The following EXOC4 variants were observed in gnomAD, a reference collection of about 807,000 sequenced individuals.
The protein encoded by EXOC4 is SEC8-like 1.
EXOC4 carries 71 observed loss-of-function variants against 107.2 expected under a neutral mutation model. That is an observed-to-expected ratio of 0.66 (90% CI 0.55 to 0.81). The LOEUF (loss-of-function observed/expected upper bound fraction) is 0.81. Among genes scored for constraint, EXOC4 ranks in the 30% least tolerant of loss-of-function variants. The pLI is 0.00. For synonymous variants in EXOC4, 456 were observed against 441.2 expected (o/e 1.03, Z -0.42); for missense variants, 1,108 against 1,189.6 (o/e 0.93, Z 1.01).
chr7:133,298,724 A>G (rs912495085), intron 3 of EXOC4, among the ~76,000 whole-genome samples: 2 of 152,196 alleles, frequency 1.3e-5, no homozygotes, highest in Non-Finnish European at 2.9e-5. Flanking sequence ...AAGGCTCTCA[A>G]TGTGGAATTA....
chr7:133,377,166 A>G (rs1340160830), intron 7 of EXOC4, among the ~76,000 whole-genome samples: 1 of 152,178 alleles, frequency 6.6e-6, no homozygotes, highest in Non-Finnish European at 1.5e-5. Context: ...AGCCTGACCA[A>G]AATGGTGAAA....
intron 10 of EXOC4, among the ~76,000 whole-genome samples, chr7:133,756,149 A>T (rs1430381078): frequency 6.6e-6 from 1 of 152,146 alleles, no homozygotes; most frequent in East Asian, 1.9e-4. Flanking sequence ...TCATATTTCC[A>T]TATAATTTTC....
intron 17 of EXOC4, among the ~76,000 whole-genome samples, chr7:134,020,554 C>T (rs1795005573): frequency 6.6e-6 from 1 of 152,158 alleles, no homozygotes; most frequent in Non-Finnish European, 1.5e-5. Flanking sequence ...CATGTGTAGA[C>T]ATTGAGGCAG....
At chr7:133,699,405 A>G (rs1441885960) in intron 10 of EXOC4, among the ~76,000 whole-genome samples, 1 of 152,178 alleles carries the variant, frequency 6.6e-6, no homozygotes, top group African/African-American at 2.4e-5. Context: ...GCAGGGGAGC[A>G]ATCCAGAATA....
intron 10 of EXOC4, among the ~76,000 whole-genome samples, chr7:133,801,062 C>A (rs1376439747): frequency 6.6e-6 from 1 of 152,074 alleles, no homozygotes; most frequent in Non-Finnish European, 1.5e-5. Context: ...CCTCTATAAT[C>A]GTGGCCTAAA....
chr7:133,260,312 C>T (rs1236009118), intron 1 of EXOC4, among the ~76,000 whole-genome samples: 2 of 149,428 alleles, frequency 1.3e-5, no homozygotes, highest in South Asian at 2.1e-4. Flanking sequence ...CTTGCTCTGT[C>T]GCCCATGCTG....
At chr7:133,305,519 T>G (rs1794732407) in intron 3 of EXOC4, among the ~76,000 whole-genome samples, 1 of 152,192 alleles carries the variant, frequency 6.6e-6, no homozygotes, top group East Asian at 1.9e-4. Context: ...AAGCTAACTT[T>G]GAGTAAAAGT....
chr7:133,648,720 A>G lies in EXOC4; in HGVS notation c.1514+18579A>G, dbSNP rs1222300854. ...GAAAAGGTCGAATAAAGGATTTGCAATTTGATTCAGAAACGTCATTAATTT... is the reference window on the plus strand; with the variant it reads ...GAAAAGGTCGAATAAAGGATTTGCAGTTTGATTCAGAAACGTCATTAATTT... On this transcript the variant is annotated intron_variant, in intron 10 of 17. Coordinates refer to ENST00000253861, the MANE Select transcript of EXOC4 (RefSeq NM_021807.4). Among the ~76,000 whole-genome samples, 6 of 152,186 alleles carry G rather than the reference A, an allele frequency of 3.9e-5. No homozygotes were observed. In the East Asian group the frequency reaches 7.7e-4, roughly 19 times the overall value.
At position 133,917,632 on chromosome 7, in the gene EXOC4, A is replaced by G; in HGVS notation, c.1921A>G (p.Lys641Glu). The G allele has an allele frequency of 6.2e-7, 1 of 1,614,124 alleles. No homozygotes were observed. Among genetic ancestry groups the G allele is most frequent in the South Asian group, 1.1e-5 (1 of 91,080 alleles). The change falls in exon 13 of 18, where the codon AAA (lysine) becomes GAA (glutamate). Residue 641 changes from lysine to glutamate, a missense_variant. Lys to Glu is a moderately conservative substitution (Grantham distance 56). Transcript: ENST00000253861. ...ACTTGTCATCAGTGCATCCTGGGCA[A>G]AAGATGATGATATCAGCAGACTCTT... ...EKLVISASWAKDDDISRLLKS... is the reference protein window; with the variant it reads ...EKLVISASWAEDDDISRLLKS...
intron 7 of EXOC4, among the ~76,000 whole-genome samples, chr7:133,423,657 G>C (rs1035470525): frequency 5.3e-5 from 8 of 152,236 alleles, no homozygotes; most frequent in Non-Finnish European, 1.2e-4. Flanking sequence ...GTCGCTCTCT[G>C]TGCCTCCTCA....
intron 12 of EXOC4, among the ~76,000 whole-genome samples, chr7:133,908,542 G>A (rs1382506775): frequency 6.6e-6 from 1 of 152,196 alleles, no homozygotes; most frequent in African/African-American, 2.4e-5. Flanking sequence ...GTTCATTTCA[G>A]GTTCTACCTT....
intron 17 of EXOC4, among the ~76,000 whole-genome samples, chr7:134,019,178 C>T (rs934856770): frequency 1.8e-4 from 27 of 152,212 alleles, no homozygotes; most frequent in Non-Finnish European, 3.5e-4. Flanking sequence ...GATCTGCCTG[C>T]CTCAGCCTCC....
At chr7:133,489,113 C>A (rs1190477815) in intron 9 of EXOC4, among the ~76,000 whole-genome samples, 2 of 151,116 alleles carry the variant, frequency 1.3e-5, no homozygotes, top group Non-Finnish European at 2.9e-5. Context: ...AGGAATATAT[C>A]CTGTGTGATA....
At chr7:133,658,122 G>A (rs941688113) in intron 10 of EXOC4, among the ~76,000 whole-genome samples, 2 of 152,090 alleles carry the variant, frequency 1.3e-5, no homozygotes, top group Non-Finnish European at 2.9e-5. Flanking sequence ...TTCAGTTAGG[G>A]ATATGGAGAA....
intron 7 of EXOC4, among the ~76,000 whole-genome samples, chr7:133,435,780 C>T (rs1236050154): frequency 6.6e-6 from 1 of 152,036 alleles, no homozygotes; most frequent in African/African-American, 2.4e-5. Context: ...GGGAAAAATG[C>T]TCCGTTATCT....
At chr7:133,725,740 G>T (rs1276493541) in intron 10 of EXOC4, among the ~76,000 whole-genome samples, 1 of 152,160 alleles carries the variant, frequency 6.6e-6, no homozygotes, top group Admixed American at 6.5e-5. Context: ...GTATGTAAAT[G>T]AACTAGCATG....
At chr7:133,992,443 C>T (rs1266180410) in intron 14 of EXOC4, among the ~76,000 whole-genome samples, 3 of 151,902 alleles carry the variant, frequency 2.0e-5, no homozygotes, top group Non-Finnish European at 4.4e-5. Flanking sequence ...CCACCAAGCC[C>T]GGATAATTTT....
chr7:133,371,574 C>A (rs1796378534), intron 6 of EXOC4, among the ~76,000 whole-genome samples: 1 of 152,132 alleles, frequency 6.6e-6, no homozygotes, highest in South Asian at 2.1e-4. Flanking sequence ...GTACTTCATT[C>A]CTTTTTGTGG....
intron 9 of EXOC4, among the ~76,000 whole-genome samples, chr7:133,492,794 T>C (rs1379799748): frequency 6.6e-6 from 1 of 152,204 alleles, no homozygotes; most frequent in East Asian, 1.9e-4. Context: ...TCTTGATAAC[T>C]TGCTCTGACT....
Sources: allele counts gnomAD v4.1 joint callset (sites outside exome capture counted in the v4.1 genomes callset), GRCh38; gene constraint gnomAD v4.1.1; transcripts MANE v1.5; gene names NCBI Gene and HGNC (gene_info 2026-07-23, HGNC 2026-07-21).